PRDM5: variants seen among roughly 807,000 people sequenced by gnomAD.
PRDM5 encodes the protein PR domain zinc finger protein 5.
PRDM5 carries 56 observed loss-of-function variants against 81.2 expected under a neutral mutation model. The observed-to-expected ratio is 0.69, with a 90% CI of 0.56 to 0.86. The LOEUF is 0.86. Ranked by LOEUF, PRDM5 falls within the 40% of genes least tolerant of loss-of-function variation. The pLI, the probability that PRDM5 is intolerant of heterozygous loss-of-function variation, is 0.00. For synonymous variants in PRDM5, 267 were observed against 256.4 expected (o/e 1.04, Z -0.39); for missense variants, 697 against 770.1 (o/e 0.91, Z 1.12).
At chr4:120,710,256 C>T in intron 15 of PRDM5, 53 bp downstream of exon 15, 2 of 1,440,860 alleles carry the variant, frequency 1.4e-6, no homozygotes, top group East Asian at 2.3e-5. Context: ...CACACACACA[C>T]CCCTACTTTC....
At chr4:120,769,753 G>A (rs1248857077) in intron 13 of PRDM5, among the ~76,000 whole-genome samples, 3 of 152,140 alleles carry the variant, frequency 2.0e-5, no homozygotes, top group African/African-American at 7.2e-5. Context: ...GAAGGATGAA[G>A]CATGAAATAA....
chr4:120,791,082 A>G (rs1048754281), intron 10 of PRDM5, among the ~76,000 whole-genome samples: 13 of 152,338 alleles, frequency 8.5e-5, no homozygotes, highest in South Asian at 2.1e-4. Context: ...GTAAAATGGC[A>G]TTTTATACAC....
intron 14 of PRDM5, among the ~76,000 whole-genome samples, chr4:120,753,650 G>T (rs1744311817): frequency 6.6e-6 from 1 of 151,822 alleles, no homozygotes; most frequent in African/African-American, 2.4e-5. Context: ...TAAAATCCAG[G>T]AGAGGTTTAA....
In PRDM5 at chr4:120,798,239, A is replaced by AAAT. The variant is rs1360404694; in HGVS notation, c.1188+25_1188+27dup. ...AAAATCACAGCAGCAAATTCATAAA[A>AAAT]AATAATAATAATATTAATAAGTTTT... On this transcript the variant is annotated intron_variant, in intron 10 of 15. Coordinates refer to ENST00000264808, the MANE Select transcript of PRDM5 (RefSeq NM_018699.4). The AAAT allele has an allele frequency of 4.1e-6, 6 of 1,448,778 alleles. No individual in the cohort carries two copies. In the African/African-American group the frequency reaches 7.2e-5, roughly 17 times the overall value. 89.7% of individuals were successfully genotyped at this position (1,448,778 alleles called of 1,614,324 possible). A position where few individuals can be genotyped will look rare whatever the true frequency, so the allele number is the denominator to read the frequency against.
At chr4:120,922,089 G>C (rs190165270) in intron 1 of PRDM5, among the ~76,000 whole-genome samples, 1 of 152,234 alleles carries the variant, frequency 6.6e-6, no homozygotes, top group African/African-American at 2.4e-5. Context: ...AAGGAAAAGA[G>C]GCGACAGCGG....
At chr4:120,744,745 T>C (rs1168300041) in intron 14 of PRDM5, among the ~76,000 whole-genome samples, 1 of 150,932 alleles carries the variant, frequency 6.6e-6, no homozygotes, top group Non-Finnish European at 1.5e-5. Context: ...AAGTTGAATC[T>C]CTGAATAGAC....
At chr4:120,884,294 T>C (rs1351903208) in intron 2 of PRDM5, among the ~76,000 whole-genome samples, 2 of 152,220 alleles carry the variant, frequency 1.3e-5, no homozygotes, top group Non-Finnish European at 1.5e-5. Flanking sequence ...TGATATGTAA[T>C]GAAAAATAAG....
At chr4:120,823,566 G>T (rs1481632757) in intron 3 of PRDM5, among the ~76,000 whole-genome samples, 2 of 152,148 alleles carry the variant, frequency 1.3e-5, no homozygotes, top group African/African-American at 4.8e-5. Flanking sequence ...ATACTATTAA[G>T]AAGTATCCTC....
chr4:120,862,241 T>G (rs1194037928), intron 2 of PRDM5, among the ~76,000 whole-genome samples: 1 of 152,238 alleles, frequency 6.6e-6, no homozygotes, highest in Admixed American at 6.5e-5. Flanking sequence ...TACATTTCTT[T>G]ATTGGTTATT....
intron 15 of PRDM5, among the ~76,000 whole-genome samples, chr4:120,700,840 G>C (rs753262519): frequency 2.6e-5 from 4 of 152,056 alleles, no homozygotes; most frequent in Non-Finnish European, 5.9e-5. Context: ...TTGTTAACAA[G>C]TCAGCCAGGC....
chr4:120,780,301 C>T lies in PRDM5; in HGVS notation c.1443+842G>A, dbSNP rs530506739. On this transcript the variant is annotated intron_variant, in intron 12 of 15. Transcript: ENST00000264808. ...CTCTACAAAAATTTTAAAAAATTAT[C>T]TGGGCATGGTGAGACATGACTAGTC... Among the ~76,000 whole-genome samples the T allele has an allele frequency of 6.6e-5, 10 of 152,006 alleles. No homozygotes were observed. The East Asian group carries it at 1.9e-3, about 30-fold the overall frequency.
At chr4:120,902,491 G>A (rs766226640) in intron 2 of PRDM5, among the ~76,000 whole-genome samples, 2 of 152,102 alleles carry the variant, frequency 1.3e-5, no homozygotes, top group Admixed American at 6.6e-5. Context: ...CAAACCACCT[G>A]GCAAAAAGTA....
intron 5 of PRDM5, among the ~76,000 whole-genome samples, chr4:120,817,738 C>T (rs1253805151): frequency 6.6e-6 from 1 of 151,960 alleles, no homozygotes; most frequent in East Asian, 1.9e-4. Context: ...ATTTCTGATC[C>T]TGTAAAATAT....
intron 2 of PRDM5, among the ~76,000 whole-genome samples, chr4:120,862,735 GGA>G (rs1760745826): frequency 6.6e-6 from 1 of 152,142 alleles, no homozygotes; most frequent in Non-Finnish European, 1.5e-5. Flanking sequence ...CCAGAAGTCT[GGA>G]ATTTTGGTAT....
intron 4 of PRDM5, 143 bp downstream of exon 4, chr4:120,821,028 G>A: frequency 2.0e-6 from 2 of 995,888 alleles, no homozygotes; most frequent in Non-Finnish European, 3.1e-6. Context: ...TCCACCACAG[G>A]ATACCCTCGA....
chr4:120,716,042 AGG>A (rs1306161349), intron 14 of PRDM5, among the ~76,000 whole-genome samples: 26 of 152,284 alleles, frequency 1.7e-4, no homozygotes, highest in Admixed American at 7.2e-4. Flanking sequence ...GTGAGGCATG[AGG>A]GCTTTGCAGT....
At chr4:120,744,425 A>G (rs1167505795) in intron 14 of PRDM5, among the ~76,000 whole-genome samples, 1 of 152,146 alleles carries the variant, frequency 6.6e-6, no homozygotes, top group African/African-American at 2.4e-5. Flanking sequence ...ACAAATAACT[A>G]AAATCAGAGC....
chr4:120,799,393 A>G (rs1259801081), intron 9 of PRDM5, among the ~76,000 whole-genome samples: 1 of 152,216 alleles, frequency 6.6e-6, no homozygotes, highest in Non-Finnish European at 1.5e-5. Flanking sequence ...AATGAAGAAT[A>G]AAGAAACTGA....
chr4:120,853,687 TC>T, intron 2 of PRDM5, 147 bp from the exon 3 acceptor site: 1 of 1,027,366 alleles, frequency 9.7e-7, no homozygotes, highest in Non-Finnish European at 1.5e-6. Context: ...CATGCATTCT[TC>T]TCTTAAACAC....
Sources: gnomAD v4.1 joint callset for allele counts (sites outside exome capture counted in the v4.1 genomes callset) on GRCh38, gnomAD v4.1.1 for gene constraint, MANE v1.5 for transcripts, NCBI Gene and HGNC (gene_info 2026-07-23, HGNC 2026-07-21) for gene names.